RASGRP4: variants seen among roughly 807,000 people sequenced by gnomAD.
RASGRP4 encodes the protein RAS guanyl-releasing protein 4.
In RASGRP4, 52 loss-of-function variants were observed where a neutral mutation model predicts 84.4. The ratio of observed to expected loss-of-function variants is 0.62; its 90% CI spans 0.49 to 0.78. The LOEUF (loss-of-function observed/expected upper bound fraction) is 0.78. Among genes scored for constraint, RASGRP4 ranks in the 30% least tolerant of loss-of-function variants. The pLI is 0.00. For synonymous variants in RASGRP4, 356 were observed against 359.1 expected (o/e 0.99, Z 0.10); for missense variants, 760 against 886.9 (o/e 0.86, Z 1.82).
At position 38,410,050 on chromosome 19, in the gene RASGRP4, A is replaced by G. The variant is rs1971158043; in HGVS notation, c.2012T>C (p.Leu671Pro). 2 of 1,612,290 alleles carry G rather than the reference A, an allele frequency of 1.2e-6. No individual in the cohort carries two copies. The highest frequency in any genetic ancestry group is 1.3e-5 in the African/African-American group (1 of 74,968). Residue 671 changes from leucine (L) to proline (P), a missense_variant, in exon 17 of 17, where the codon CTG (leucine) becomes CCG (proline). Transcript: ENST00000615439. ...GAGACCAAGAGATGTCTAGGAATCC[A>G]GCTTGGAGGATGCAGTTGATGGTGG... The part of the protein sequence containing the change: ...MDPPSTASSK[L>P]DS
At position 38,420,357 on chromosome 19, in the gene RASGRP4, A is replaced by AG. The variant is rs1971689379; in HGVS notation, c.378-96dup. 9 of 1,377,970 alleles carry AG rather than the reference A, an allele frequency of 6.5e-6. No individual in the cohort carries two copies. The Admixed American group carries it at 7.5e-5, about 11-fold the overall frequency. 85.4% of individuals were successfully genotyped at this position (1,377,970 alleles called of 1,614,324 possible). A position where few individuals can be genotyped will look rare whatever the true frequency, so the allele number is the denominator to read the frequency against. The stretch of plus-strand genomic sequence containing the variant: ...CTGAGGAATTTCTAGGTGCTGAGCT[A>AG]GGGGGTCTCTAAATGTGTGTGGGGG... On this transcript the variant is annotated intron_variant, in intron 4 of 16. Coordinates refer to ENST00000615439, the MANE Select transcript of RASGRP4 (RefSeq NM_170604.3).
chr19:38,420,310 T>C lies in RASGRP4; in HGVS notation c.378-48A>G, dbSNP rs754750897. The C allele has an allele frequency of 2.3e-5, 37 of 1,596,518 alleles. 1 individual carries two copies. The South Asian group carries it at 4.1e-4, about 18-fold the overall frequency. On this transcript the variant is annotated intron_variant, in intron 4 of 16. Transcript: ENST00000615439. ...GAGATGAGGCCGGGGGTGGCGAAGG[T>C]CTCTACAAGGGGTATTTTGGGCTGA... is the stretch of plus-strand genomic sequence containing the variant.
Position 38,413,133 on chromosome 19 carries a change from G to A in RASGRP4, c.1416+60C>T. On this transcript the variant is annotated intron_variant, in intron 11 of 16. Coordinates refer to ENST00000615439, the MANE Select transcript of RASGRP4 (RefSeq NM_170604.3). This position sits in a 1 kb window ranked among gnomAD's most constrained non-coding sequence, Gnocchi z 4.7. ...CCATAAGTCCCCACCTCCAGGCTCA[G>A]GGTTCTACAGATGTCTTCCCTCCTG... is the stretch of plus-strand genomic sequence containing the variant. 1 of 1,582,060 alleles carries A rather than the reference G, an allele frequency of 6.3e-7. No homozygotes were observed.
At chr19:38,416,157 C>G (rs1311687549) in intron 8 of RASGRP4, among the ~76,000 whole-genome samples, 4 of 151,022 alleles carry the variant, frequency 2.6e-5, no homozygotes, top group African/African-American at 9.7e-5. Flanking sequence ...CCATCCCTGG[C>G]TAATTTATTT....
chr19:38,421,283 G>A, intron 2 of RASGRP4, 83 bp from the exon 3 acceptor site: 1 of 1,002,400 alleles, frequency 1.0e-6, no homozygotes, highest in Non-Finnish European at 1.6e-6. Context: ...CGGACCACCT[G>A]GTTCAAAGAC....
intron 4 of RASGRP4, among the ~76,000 whole-genome samples, chr19:38,420,553 G>A (rs1250979012): frequency 6.6e-6 from 1 of 151,456 alleles, no homozygotes; most frequent in African/African-American, 2.4e-5. Flanking sequence ...CTAGACTGGG[G>A]GCTTCCGGGG....
Position 38,410,942 on chromosome 19 carries a change from G to C in RASGRP4, c.1909C>G (p.Leu637Val), listed in dbSNP as rs1971220079. 1 of 1,604,854 alleles carries C rather than the reference G, an allele frequency of 6.2e-7. No homozygotes were observed. The highest frequency in any genetic ancestry group is 8.5e-7 in the Non-Finnish European group (1 of 1,175,820). ...LSLEPETGCQ[L>V]RHAWTQTESP... ...TCAGTCTGGGTCCAGGCATGGCGAA[G>C]CTGGCACCCAGTCTCAGGCTCCAGG... The change falls in exon 16 of 17, where the codon CTT becomes GTT. Residue 637 changes from leucine (L) to valine (V), a missense_variant. Leu to Val is a conservative substitution (Grantham distance 32). Coordinates refer to ENST00000615439, the MANE Select transcript of RASGRP4 (RefSeq NM_170604.3).
rs779316201 is a variant in RASGRP4, at chr19:38,413,219, C to A, written c.1390G>T (p.Gly464Cys). 13 of 1,613,598 alleles carry A rather than the reference C, an allele frequency of 8.1e-6. No homozygotes were observed. Among genetic ancestry groups the A allele is most frequent in the Non-Finnish European group, 1.1e-5 (13 of 1,179,880 alleles). Residue 464 changes from glycine (G) to cysteine (C), a missense_variant, in exon 11 of 17, where the codon GGT (glycine) becomes TGT (cysteine). Physicochemically the swap from Gly to Cys is radical, Grantham distance 159 (BLOSUM62 -3). Coordinates refer to ENST00000615439, the MANE Select transcript of RASGRP4 (RefSeq NM_170604.3). The surrounding 1 kb of genome is among the most constrained non-coding windows in gnomAD (Gnocchi z 4.7). ...VTPKPDRVTLGRHVEQLVESV... is the reference protein window; with the variant it reads ...VTPKPDRVTLCRHVEQLVESV... ...TCCACCAGCTGCTCCACATGCCGAC[C>A]CAGTGTGACCCTGTCCGGCTTGGGT...
chr19:38,423,536 T>C (rs1371235506), intron 1 of RASGRP4, among the ~76,000 whole-genome samples: 4 of 149,264 alleles, frequency 2.7e-5, no homozygotes, highest in Non-Finnish European at 5.9e-5. Context: ...AAAATAATAA[T>C]AAAAAAATTA....
rs1971988490 is a variant in RASGRP4 at position 38,426,197 on chromosome 19, C to T, written c.-106G>A. ...TCAGCCCCTAGGGAGCTGGGGCCTCCTCGGTGCTTGGGAAGGAAAGAGGAA... is the reference window on the plus strand; with the variant it reads ...TCAGCCCCTAGGGAGCTGGGGCCTCTTCGGTGCTTGGGAAGGAAAGAGGAA... On this transcript the variant is annotated 5_prime_UTR_variant, in exon 1 of 17. Coordinates refer to ENST00000615439, the MANE Select transcript of RASGRP4 (RefSeq NM_170604.3). The T allele has an allele frequency of 6.4e-6, 6 of 933,852 alleles. No individual in the cohort carries two copies. The East Asian group carries it at 1.6e-4, about 26-fold the overall frequency. The allele number at this position is 933,852 out of a possible 1,614,324, so 57.8% of individuals were successfully genotyped here.
At position 38,419,870 on chromosome 19, in the gene RASGRP4, T is replaced by C; in HGVS notation, c.653A>G (p.Gln218Arg). The change falls in exon 6 of 17, where the codon CAG becomes CGG. Residue 218 changes from glutamine to arginine, a missense_variant. Physicochemically the swap from Gln to Arg is conservative, Grantham distance 43. Coordinates refer to ENST00000615439, the MANE Select transcript of RASGRP4 (RefSeq NM_170604.3). The stretch of plus-strand genomic sequence containing the variant: ...GGAGGGGGTCCTCACCGTGATAGCC[T>C]GGAAGGACCGGAACTCCAGGTAGGT... The part of the protein sequence containing the change: ...HLTYLEFRSF[Q>R]AITPQDLRSY... 1 of 1,598,614 alleles carries C rather than the reference T, an allele frequency of 6.3e-7. No individual in the cohort carries two copies. Among genetic ancestry groups the C allele is most frequent in the South Asian group, 1.1e-5 (1 of 88,780 alleles).
At chr19:38,414,791 G>A in intron 9 of RASGRP4, 57 bp downstream of exon 9, 1 of 1,498,052 alleles carries the variant, frequency 6.7e-7, no homozygotes, top group Non-Finnish European at 9.0e-7. Context: ...ACACACCCAG[G>A]ACCCTATATC....
In RASGRP4 at chr19:38,421,960, G is replaced by T; in HGVS notation, c.208+9C>A. On this transcript the variant is annotated intron_variant, in intron 2 of 16. Coordinates refer to ENST00000615439, the MANE Select transcript of RASGRP4 (RefSeq NM_170604.3). ...GGGCCAGGGAGGCTGCTGGGGAGAG[G>T]ACACTTACCGAAGGACTGGATGCAT... The T allele has an allele frequency of 6.2e-7, 1 of 1,606,694 alleles. No homozygotes were observed.
At position 38,414,856 on chromosome 19, in the gene RASGRP4, G is replaced by C. The variant is rs751673157; in HGVS notation, c.1222C>G (p.Leu408Val). ...PCSANEDLLH[L>V]LTLSLDLFYT... ...GGGCCAGGGGGGCTCACCGTGAGCA[G>C]GTGCAGCAGATCCTCATTGGCGCTG... is the stretch of plus-strand genomic sequence containing the variant. The change falls in exon 9 of 17, where the codon CTG becomes GTG. Residue 408 changes from leucine (L) to valine (V), a missense_variant. Physicochemically the swap from Leu to Val is conservative, Grantham distance 32. Transcript: ENST00000615439. 1 of 1,593,050 alleles carries C rather than the reference G, an allele frequency of 6.3e-7. No individual in the cohort carries two copies. Among genetic ancestry groups the C allele is most frequent in the Non-Finnish European group, 8.5e-7 (1 of 1,170,052 alleles).
intron 6 of RASGRP4, among the ~76,000 whole-genome samples, chr19:38,419,288 AG>A (rs143180313): frequency 2.9e-4 from 44 of 152,382 alleles, no homozygotes; most frequent in Non-Finnish European, 5.6e-4. Flanking sequence ...CCTGCAAGGC[AG>A]GAACTGTGCA....
At position 38,418,332 on chromosome 19, in the gene RASGRP4, G is replaced by T; in HGVS notation, c.837+59C>A. Reference sequence around the variant, plus strand: ...ACCCTGTGGGGTCGAGGGTCTGGAAGGGGAAGGACCAGGTGGCTGCGTGCA... The same window carrying T: ...ACCCTGTGGGGTCGAGGGTCTGGAATGGGAAGGACCAGGTGGCTGCGTGCA... On this transcript the variant is annotated intron_variant, in intron 7 of 16. Transcript: ENST00000615439. This position sits in a 1 kb window ranked among gnomAD's most constrained non-coding sequence, Gnocchi z 4.6. 2 of 1,535,004 alleles carry T rather than the reference G, an allele frequency of 1.3e-6. No homozygotes were observed. Among genetic ancestry groups the T allele is most frequent in the South Asian group, 1.2e-5 (1 of 83,976 alleles).
chr19:38,413,083 A>G lies in RASGRP4; in HGVS notation c.1417-34T>C, dbSNP rs1181270677. On this transcript the variant is annotated intron_variant, in intron 11 of 16. Coordinates refer to ENST00000615439, the MANE Select transcript of RASGRP4 (RefSeq NM_170604.3). This position sits in a 1 kb window ranked among gnomAD's most constrained non-coding sequence, Gnocchi z 4.7. ...GAGTGTGGGGAAGCAGATAAGGCCC[A>G]GTTGTCGAAATATGATCCCCATGGC... 1.3e-6 allele frequency: 2 copies of G among 1,591,430 alleles called. No individual in the cohort carries two copies. The highest frequency in any genetic ancestry group is 2.7e-5 in the African/African-American group (2 of 74,424).
At position 38,409,947 on chromosome 19, in the gene RASGRP4, A is replaced by G; in HGVS notation, c.*93T>C. On this transcript the variant is annotated 3_prime_UTR_variant, in exon 17 of 17. Coordinates refer to ENST00000615439, the MANE Select transcript of RASGRP4 (RefSeq NM_170604.3). ...TGGATGGGAAGGCGGATGCCTCTGG[A>G]GGCCTACCTCTGGGAGCCCTGCCAG... 7 of 955,182 alleles carry G rather than the reference A, an allele frequency of 7.3e-6. 1 individual carries two copies. The South Asian group carries it at 9.2e-5, about 13-fold the overall frequency. The allele number at this position is 955,182 out of a possible 1,614,324, so 59.2% of individuals were successfully genotyped here. A position where few individuals can be genotyped will look rare whatever the true frequency, so the allele number is the denominator to read the frequency against.
intron 1 of RASGRP4, among the ~76,000 whole-genome samples, chr19:38,424,565 G>A (rs534925095): frequency 1.3e-5 from 2 of 149,218 alleles, no homozygotes; most frequent in East Asian, 4.1e-4. Context: ...GACTACAGGT[G>A]TGCACGACCA....
Sources: allele counts gnomAD v4.1 joint callset (sites outside exome capture counted in the v4.1 genomes callset), GRCh38; gene constraint gnomAD v4.1.1; non-coding constraint Gnocchi (gnomAD v3.1); transcripts MANE v1.5; gene names NCBI Gene and HGNC (gene_info 2026-07-23, HGNC 2026-07-21).